ASTN2: variants seen among roughly 807,000 people sequenced by gnomAD.
ASTN2 encodes astrotactin-2.
In ASTN2, 54 loss-of-function variants were observed where a neutral mutation model predicts 139.8. That is an observed-to-expected ratio of 0.39 (90% CI 0.31 to 0.48). The LOEUF is 0.48. Ranked by LOEUF, ASTN2 falls within the 20% of genes least tolerant of loss-of-function variation. The pLI is 0.95. For missense variants in ASTN2, 1,565 were observed against 1,725.1 expected, an observed-to-expected ratio of 0.91 and a Z score of 1.64; for synonymous variants, 756 against 719.5, an observed-to-expected ratio of 1.05 and a Z score of -0.81.
At chr9:116,543,815 A>G (rs1465335952) in intron 19 of ASTN2, 1 of 152,138 alleles carries the variant, frequency 6.6e-6, no homozygotes, top group Non-Finnish European at 1.5e-5. Flanking sequence ...TGGCCCCAGA[A>G]CTACTTGTGA....
intron 2 of ASTN2, among the ~76,000 whole-genome samples, chr9:117,290,218 G>A (rs1834553956): frequency 6.6e-6 from 1 of 152,162 alleles, no homozygotes; most frequent in Non-Finnish European, 1.5e-5. Context: ...CCGTACTAAA[G>A]AAGAAAAGGA....
At chr9:117,129,118 C>A (rs996433493) in intron 4 of ASTN2, among the ~76,000 whole-genome samples, 4 of 152,124 alleles carry the variant, frequency 2.6e-5, no homozygotes, top group Non-Finnish European at 4.4e-5. Context: ...GGTCAGATTT[C>A]TTTCATTGTC....
intron 2 of ASTN2, among the ~76,000 whole-genome samples, chr9:117,256,689 A>G (rs1833695808): frequency 6.6e-6 from 1 of 152,198 alleles, no homozygotes; most frequent in Non-Finnish European, 1.5e-5. Flanking sequence ...AGAAGAAGAA[A>G]TAAAGGAGGA....
chr9:117,018,430 C>A (rs1186774426), intron 6 of ASTN2, among the ~76,000 whole-genome samples: 2 of 82,236 alleles, frequency 2.4e-5, no homozygotes, highest in African/African-American at 6.6e-5. Context: ...GCAATTCTTC[C>A]CCAAATCTCT....
At position 117,255,512 on chromosome 9, in the gene ASTN2, G is replaced by A. The variant is rs1287393140; in HGVS notation, c.630+35814C>T. Among the ~76,000 whole-genome samples the A allele has an allele frequency of 9.2e-5, 14 of 152,316 alleles. No individual in the cohort carries two copies. The South Asian group carries it at 2.7e-3, about 29-fold the overall frequency. Reference sequence around the variant, plus strand: ...TGTTAGAGCTGTGATGTAAACTTGGGTTGATTAAACTGCAGGTTCTTTACT... The same window carrying A: ...TGTTAGAGCTGTGATGTAAACTTGGATTGATTAAACTGCAGGTTCTTTACT... On this transcript the variant is annotated intron_variant, in intron 2 of 22. Coordinates refer to ENST00000313400, the MANE Select transcript of ASTN2 (RefSeq NM_001365068.1).
intron 19 of ASTN2, among the ~76,000 whole-genome samples, chr9:116,550,237 CTG>C (rs1258265782): frequency 2.0e-5 from 3 of 152,336 alleles, no homozygotes; most frequent in African/African-American, 7.2e-5. Context: ...TGGGCATAAA[CTG>C]TGAACTGTGA....
intron 2 of ASTN2, among the ~76,000 whole-genome samples, chr9:117,220,977 A>G (rs1166437632): frequency 6.6e-6 from 1 of 152,108 alleles, no homozygotes; most frequent in Non-Finnish European, 1.5e-5. Context: ...CCATTTTCCC[A>G]TTCAAGGTCT....
chr9:117,391,983 C>T (rs976178803), intron 1 of ASTN2, among the ~76,000 whole-genome samples: 2 of 152,162 alleles, frequency 1.3e-5, no homozygotes, highest in African/African-American at 2.4e-5. Context: ...CCATATCTCA[C>T]ATCTGGGTTA....
chr9:117,272,237 A>T (rs760696110), intron 2 of ASTN2, among the ~76,000 whole-genome samples: 8 of 152,194 alleles, frequency 5.3e-5, no homozygotes, highest in Non-Finnish European at 2.9e-5. Context: ...AACCCTCTAA[A>T]GCCACAGGCT....
At chr9:116,563,498 C>A (rs578151448) in intron 19 of ASTN2, among the ~76,000 whole-genome samples, 1 of 152,276 alleles carries the variant, frequency 6.6e-6, no homozygotes, top group African/African-American at 2.4e-5. Context: ...CATCCTCAAA[C>A]ACATCAGACG....
intron 4 of ASTN2, among the ~76,000 whole-genome samples, chr9:117,136,289 T>C (rs1474465095): frequency 6.6e-6 from 1 of 152,168 alleles, no homozygotes; most frequent in Non-Finnish European, 1.5e-5. Flanking sequence ...TGGTTCTTCT[T>C]CCTGGGACAT....
intron 17 of ASTN2, among the ~76,000 whole-genome samples, chr9:116,622,030 G>A (rs998917991): frequency 6.6e-6 from 1 of 152,178 alleles, no homozygotes; most frequent in Non-Finnish European, 1.5e-5. Context: ...TCTGCATGAT[G>A]TTCCTATTTT....
At chr9:117,172,385 T>C (rs1213122642) in intron 3 of ASTN2, among the ~76,000 whole-genome samples, 1 of 152,178 alleles carries the variant, frequency 6.6e-6, no homozygotes, top group African/African-American at 2.4e-5. Flanking sequence ...CAGATCTATA[T>C]GTTGGTCTGG....
chr9:117,228,681 C>T (rs1236504306), intron 2 of ASTN2, among the ~76,000 whole-genome samples: 1 of 152,058 alleles, frequency 6.6e-6, no homozygotes, highest in Non-Finnish European at 1.5e-5. Flanking sequence ...TTCATTCTTT[C>T]TCTTCACCTT....
chr9:117,017,686 GT>G (rs1033340846), intron 6 of ASTN2, among the ~76,000 whole-genome samples: 3 of 151,992 alleles, frequency 2.0e-5, no homozygotes, highest in African/African-American at 7.2e-5. Flanking sequence ...AGGCCTTCAT[GT>G]TTTTTTATTG....
At chr9:116,586,745 G>C (rs965698926) in intron 19 of ASTN2, among the ~76,000 whole-genome samples, 35 of 149,734 alleles carry the variant, frequency 2.3e-4, no homozygotes, top group African/African-American at 8.1e-4. Context: ...GCATCATGTA[G>C]TAGAGCTATG....
intron 19 of ASTN2, among the ~76,000 whole-genome samples, chr9:116,592,504 G>A (rs2416563): frequency 0.42 from 63,956 of 151,986 alleles, 14,025 homozygotes; most frequent in Admixed American, 0.51. Flanking sequence ...CTCCAACAGT[G>A]GGGATTACAA....
intron 1 of ASTN2, among the ~76,000 whole-genome samples, chr9:117,314,471 C>T (rs948255520): frequency 1.3e-5 from 2 of 151,552 alleles, no homozygotes; most frequent in African/African-American, 2.4e-5. Context: ...TGTGGCCCTG[C>T]GGTTGCTGTC....
intron 10 of ASTN2, among the ~76,000 whole-genome samples, chr9:116,960,231 A>C (rs1478012473): frequency 6.6e-6 from 1 of 151,594 alleles, no homozygotes; most frequent in Admixed American, 6.6e-5. Flanking sequence ...CTCCCTTCTG[A>C]CTCCAGCCAA....
Sources: gnomAD v4.1 joint callset for allele counts (sites outside exome capture counted in the v4.1 genomes callset) on GRCh38, gnomAD v4.1.1 for gene constraint, MANE v1.5 for transcripts, NCBI Gene and HGNC (gene_info 2026-07-23, HGNC 2026-07-21) for gene names.